UBE4A: variants seen among roughly 807,000 people sequenced by gnomAD.
UBE4A encodes ubiquitination factor E4A.
In UBE4A, 48 loss-of-function variants were observed where a neutral mutation model predicts 117.9. The observed-to-expected ratio is 0.41, with a 90% CI of 0.32 to 0.52. UBE4A has a LOEUF of 0.52. Ranked by LOEUF, UBE4A falls within the 20% of genes least tolerant of loss-of-function variation. UBE4A has a pLI of 0.33. For synonymous variants in UBE4A, 407 were observed against 450.0 expected, an observed-to-expected ratio of 0.90 and a Z score of 1.21; for missense variants, 1,067 against 1,296.3, an observed-to-expected ratio of 0.82 and a Z score of 2.72.
chr11:118,393,043 A>G (rs1439368159), intron 19 of UBE4A, 148 bp downstream of exon 19: 3 of 765,322 alleles, frequency 3.9e-6, no homozygotes, highest in South Asian at 2.1e-5. Context: ...TTTGGTTTCA[A>G]TTGCTAGGAT....
At chr11:118,361,560 A>G (rs1296303874) in intron 1 of UBE4A, among the ~76,000 whole-genome samples, 1 of 152,218 alleles carries the variant, frequency 6.6e-6, no homozygotes, top group East Asian at 1.9e-4. Context: ...TTAATGAAAA[A>G]AAGTTTGTGC....
intron 17 of UBE4A, 56 bp from the exon 18 acceptor site, chr11:118,390,601 C>T: frequency 7.2e-7 from 1 of 1,394,794 alleles, no homozygotes; most frequent in South Asian, 1.8e-5. Flanking sequence ...TACCTATTGT[C>T]TCTTCCATTG....
rs1419159178 is a variant in UBE4A, at chr11:118,389,801, G to C, written c.2664G>C (p.Leu888=). 6.2e-7 allele frequency: 1 copy of C among 1,613,840 alleles called. No individual in the cohort carries two copies. Among genetic ancestry groups the C allele is most frequent in the African/African-American group, 1.3e-5 (1 of 74,898 alleles). ...TGTTGAACTACTTCCTGCAACACCTGGTTGGCCCCAAGATGGGTGCCTTAA... is the reference window on the plus strand; with the variant it reads ...TGTTGAACTACTTCCTGCAACACCTCGTTGGCCCCAAGATGGGTGCCTTAA... The part of the protein sequence containing the change: ...ISMLNYFLQH[L]VGPKMGALKV... The change falls in exon 17 of 20, where the codon CTG becomes CTC. Residue 888 remains leucine (L), a synonymous_variant. Coordinates refer to ENST00000252108, the MANE Select transcript of UBE4A (RefSeq NM_001204077.2).
intron 11 of UBE4A, 111 bp from the exon 12 acceptor site, chr11:118,381,280 T>G: frequency 7.4e-7 from 1 of 1,352,352 alleles, no homozygotes; most frequent in Non-Finnish European, 1.0e-6. Flanking sequence ...CAACAAAACA[T>G]TTAGGGTTTT....
At chr11:118,368,896 G>T (rs943258098) in intron 3 of UBE4A, 92 bp downstream of exon 3, 1 of 1,330,624 alleles carries the variant, frequency 7.5e-7, no homozygotes, top group Middle Eastern at 2.3e-4. Context: ...CTAATGGTTA[G>T]ATACAAACCT....
chr11:118,391,117 G>A (rs1948812056), intron 18 of UBE4A, among the ~76,000 whole-genome samples: 1 of 151,498 alleles, frequency 6.6e-6, no homozygotes, highest in South Asian at 2.1e-4. Flanking sequence ...ATAAACAGAT[G>A]GTTCTTTTTG....
chr11:118,393,000 A>T, intron 19 of UBE4A, 105 bp downstream of exon 19: 3 of 1,116,812 alleles, frequency 2.7e-6, no homozygotes, highest in Non-Finnish European at 3.7e-6. Flanking sequence ...CACATACCAC[A>T]TATTATTGAT....
In UBE4A at chr11:118,373,474, G is replaced by T; in HGVS notation, c.925-20G>T. 1 of 1,603,082 alleles carries T rather than the reference G, an allele frequency of 6.2e-7. No individual in the cohort carries two copies. Among genetic ancestry groups the T allele is most frequent in the South Asian group, 1.1e-5 (1 of 89,710 alleles). ...ATCTCACCATGAAGATGAATAAGCA[G>T]AACTTGTCTTCTCTTACAGGTTTTT... On this transcript the variant is annotated intron_variant, in intron 7 of 19. Coordinates refer to ENST00000252108, the MANE Select transcript of UBE4A (RefSeq NM_001204077.2).
chr11:118,396,665 C>T lies in UBE4A; in HGVS notation c.*225C>T. Reference sequence around the variant, plus strand: ...TTGCAGGAAATTATACTTATTATAGCATCACCAAGTTTAGAAATCATCACT... The same window carrying T: ...TTGCAGGAAATTATACTTATTATAGTATCACCAAGTTTAGAAATCATCACT... On this transcript the variant is annotated 3_prime_UTR_variant, in exon 20 of 20. Coordinates refer to ENST00000252108, the MANE Select transcript of UBE4A (RefSeq NM_001204077.2). The T allele has an allele frequency of 2.7e-6, 1 of 364,332 alleles. No homozygotes were observed. Among genetic ancestry groups the T allele is most frequent in the Non-Finnish European group, 4.7e-6 (1 of 211,016 alleles). 22.6% of individuals were successfully genotyped at this position (364,332 alleles called of 1,614,324 possible).
intron 13 of UBE4A, among the ~76,000 whole-genome samples, chr11:118,383,630 C>G (rs1053623087): frequency 9.2e-5 from 14 of 151,392 alleles, no homozygotes; most frequent in African/African-American, 3.4e-4. Context: ...GCAACATTCC[C>G]TCTCTATCTA....
At chr11:118,366,255 A>G (rs955891615) in intron 2 of UBE4A, among the ~76,000 whole-genome samples, 3 of 152,196 alleles carry the variant, frequency 2.0e-5, no homozygotes, top group African/African-American at 7.2e-5. Context: ...CGGGGCCAGA[A>G]TGGGAAACTC....
chr11:118,381,501 A>G lies in UBE4A; in HGVS notation c.1987A>G (p.Ile663Val). 6.2e-7 allele frequency: 1 copy of G among 1,613,904 alleles called. No homozygotes were observed. Among genetic ancestry groups the G allele is most frequent in the Non-Finnish European group, 8.5e-7 (1 of 1,179,904 alleles). ...GGAGCATGTCCTTCACTTTATCACCATTTTCACTGGAAGCATAGAAAGGTG... is the reference window on the plus strand; with the variant it reads ...GGAGCATGTCCTTCACTTTATCACCGTTTTCACTGGAAGCATAGAAAGGTG... Reference protein sequence around the residue: ...SLEHVLHFITIFTGSIERMKN... With the variant: ...SLEHVLHFITVFTGSIERMKN... Residue 663 changes from isoleucine to valine, a missense_variant, in exon 12 of 20, where the codon ATT (isoleucine) becomes GTT (valine). Ile to Val is a conservative substitution (Grantham distance 29). Transcript: ENST00000252108.
intron 17 of UBE4A, 97 bp from the exon 18 acceptor site, chr11:118,390,560 T>C: frequency 1.1e-6 from 1 of 948,096 alleles, no homozygotes; most frequent in Non-Finnish European, 1.4e-6. Context: ...GTTCATGGCT[T>C]TTAAGTGGTG....
intron 1 of UBE4A, among the ~76,000 whole-genome samples, chr11:118,361,008 ATTT>A (rs71301652): frequency 3.8e-5 from 4 of 104,904 alleles, no homozygotes; most frequent in Admixed American, 1.1e-4. Flanking sequence ...GTGTGTGTGT[ATTT>A]TTTTTTTTTT....
In UBE4A at chr11:118,368,572, A is replaced by G. The variant is rs947915044; in HGVS notation, c.122-59A>G. ...CTTGGTTACATTTATTATTTTTGGTAGCATGCTTGGTTCTCTCTTAAAGGG... is the reference window on the plus strand; with the variant it reads ...CTTGGTTACATTTATTATTTTTGGTGGCATGCTTGGTTCTCTCTTAAAGGG... On this transcript the variant is annotated intron_variant, in intron 2 of 19. Coordinates refer to ENST00000252108, the MANE Select transcript of UBE4A (RefSeq NM_001204077.2). 4 of 1,457,820 alleles carry G rather than the reference A, an allele frequency of 2.7e-6. No individual in the cohort carries two copies. The African/African-American group carries it at 5.6e-5, about 21-fold the overall frequency. The allele number at this position is 1,457,820 out of a possible 1,614,324, so 90.3% of individuals were successfully genotyped here. A position where few individuals can be genotyped will look rare whatever the true frequency, so the allele number is the denominator to read the frequency against.
At chr11:118,364,373 A>C (rs1948546336) in intron 1 of UBE4A, among the ~76,000 whole-genome samples, 1 of 152,130 alleles carries the variant, frequency 6.6e-6, no homozygotes, top group South Asian at 2.1e-4. Context: ...TGAAGGTTAG[A>C]TATAGCATGA....
In UBE4A at chr11:118,375,208, A is replaced by G. The variant is rs781797013; in HGVS notation, c.1429A>G (p.Ile477Val). Residue 477 changes from isoleucine to valine, a missense_variant, in exon 9 of 20, where the codon ATT becomes GTT. Ile to Val is a conservative substitution (Grantham distance 29). Around this residue, in one of 3 missense-constraint regions of UBE4A, gnomAD observed 1,001 missense variants for 1,184.0 expected, o/e 0.85. Transcript: ENST00000252108. ...LKELNDEERK[I>V]KNVHMRGLDK... Reference sequence around the variant, plus strand: ...GGAGTTGAATGATGAAGAACGAAAAATTAAAAATGTACACATGAGAGGTAG... The same window carrying G: ...GGAGTTGAATGATGAAGAACGAAAAGTTAAAAATGTACACATGAGAGGTAG... 3 of 1,609,614 alleles carry G rather than the reference A, an allele frequency of 1.9e-6. No homozygotes were observed. Among genetic ancestry groups the G allele is most frequent in the Non-Finnish European group, 2.5e-6 (3 of 1,176,728 alleles).
At position 118,373,514 on chromosome 11, in the gene UBE4A, G is replaced by A; in HGVS notation, c.945G>A (p.Gln315=). Residue 315 remains glutamine (Q), a synonymous_variant, in exon 8 of 20, where the codon CAG becomes CAA. Coordinates refer to ENST00000252108, the MANE Select transcript of UBE4A (RefSeq NM_001204077.2). ...DMAKVFVEYI[Q]PKDPTNGQMY... ...TACAGGTTTTTGTAGAATACATTCA[G>A]CCCAAGGACCCTACCAATGGGCAAA... 6.2e-7 allele frequency: 1 copy of A among 1,613,888 alleles called. No homozygotes were observed. Among genetic ancestry groups the A allele is most frequent in the Non-Finnish European group, 8.5e-7 (1 of 1,179,892 alleles).
rs1555127951 is a variant in UBE4A, at chr11:118,389,894, C to T, written c.2757C>T (p.Tyr919=). Residue 919 remains tyrosine, a synonymous_variant, in exon 17 of 20, where the codon TAC becomes TAT. Coordinates refer to ENST00000252108, the MANE Select transcript of UBE4A (RefSeq NM_001204077.2). ...TTGTATCAGATATCTGCACTATCTA[C>T]TTAAATCTTGGGTACCTGAGATTGA... ...QQLVSDICTI[Y]LNLGDEENFC... The T allele has an allele frequency of 1.9e-6, 3 of 1,589,032 alleles. No homozygotes were observed. Among genetic ancestry groups the T allele is most frequent in the Non-Finnish European group, 2.6e-6 (3 of 1,160,960 alleles).
Sources: gnomAD v4.1 joint callset for allele counts (sites outside exome capture counted in the v4.1 genomes callset) on GRCh38, gnomAD v4.1.1 for gene constraint, gnomAD v4.1.1 regional missense constraint, MANE v1.5 for transcripts, NCBI Gene and HGNC (gene_info 2026-07-23, HGNC 2026-07-21) for gene names.